FREM2: variants seen among roughly 807,000 people sequenced by gnomAD.
The protein encoded by FREM2 is FRAS1-related extracellular matrix protein 2.
Under a neutral mutation model 219.9 loss-of-function variants are expected in FREM2, and 119 were observed. The observed-to-expected ratio is 0.54, with a 90% CI of 0.47 to 0.63. The LOEUF is 0.63. FREM2 is among the 30% of genes least tolerant of loss of function. The pLI, the probability that FREM2 is intolerant of heterozygous loss-of-function variation, is 0.00. For missense variants in FREM2, 4,030 were observed against 3,993.6 expected (o/e 1.01, Z -0.25); for synonymous variants, 1,562 against 1,522.8 (o/e 1.03, Z -0.60).
intron 2 of FREM2, among the ~76,000 whole-genome samples, chr13:38,707,438 G>A (rs1015952738): frequency 6.6e-6 from 1 of 152,138 alleles, no homozygotes. Flanking sequence ...CAGCCTTCAT[G>A]GTAGCTTTTG....
chr13:38,751,019 G>GTTTTGTT (rs1410080809), intron 2 of FREM2, among the ~76,000 whole-genome samples: 1 of 152,002 alleles, frequency 6.6e-6, no homozygotes, highest in Non-Finnish European at 1.5e-5. Flanking sequence ...TTCTACCACA[G>GTTTTGTT]TTTTGTTTTT....
chr13:38,804,805 TC>T (rs1017280328), intron 6 of FREM2, among the ~76,000 whole-genome samples: 1 of 152,074 alleles, frequency 6.6e-6, no homozygotes, highest in African/African-American at 2.4e-5. Flanking sequence ...CAGTGAGCAT[TC>T]CAGTTTGGCC....
rs188730084 is a variant in FREM2, at chr13:38,695,420, T to C, written c.5174-2278T>C. On this transcript the variant is annotated intron_variant, in intron 1 of 23. Transcript: ENST00000280481. ...GAGTGCCATATAGTTGCATTTATGTTTTCTTTATCTGAAAAAAGAAAAGTT... is the reference window on the plus strand; with the variant it reads ...GAGTGCCATATAGTTGCATTTATGTCTTCTTTATCTGAAAAAAGAAAAGTT... Among the ~76,000 whole-genome samples, 19 of 152,336 alleles carry C rather than the reference T, an allele frequency of 1.2e-4. No homozygotes were observed. The East Asian group carries it at 3.3e-3, about 26-fold the overall frequency.
At chr13:38,876,445 GT>G in intron 20 of FREM2, 63 bp downstream of exon 20, 1 of 1,111,416 alleles carries the variant, frequency 9.0e-7, no homozygotes. Context: ...TCATTTATTA[GT>G]AAAAAAAAAA....
At chr13:38,853,733 A>G (rs1877460712) in intron 11 of FREM2, among the ~76,000 whole-genome samples, 1 of 152,230 alleles carries the variant, frequency 6.6e-6, no homozygotes. Context: ...TATATATTTG[A>G]AATAAATCAC....
chr13:38,861,525 C>A lies in FREM2; in HGVS notation c.7614C>A (p.Asn2538Lys). 1 of 1,608,702 alleles carries A rather than the reference C, an allele frequency of 6.2e-7. No individual in the cohort carries two copies. ...YTGPEDADYT[N>K]LIKLTVTMPH... ...GCCCTGAGGATGCAGACTACACAAACCTTATCAAGCTCACTGTCACAATGC... is the reference window on the plus strand; with the variant it reads ...GCCCTGAGGATGCAGACTACACAAAACTTATCAAGCTCACTGTCACAATGC... Residue 2538 changes from asparagine to lysine, a missense_variant, in exon 15 of 24, where the codon AAC becomes AAA. Asn to Lys is a moderately conservative substitution (Grantham distance 94). This residue lies in a region of FREM2 where 928 missense variants were observed against 1,042.9 expected (regional missense o/e 0.89). Coordinates refer to ENST00000280481, the MANE Select transcript of FREM2 (RefSeq NM_207361.6).
intron 8 of FREM2, 50 bp downstream of exon 8, chr13:38,848,720 C>CT: frequency 6.9e-7 from 1 of 1,445,862 alleles, no homozygotes; most frequent in Non-Finnish European, 9.6e-7. Context: ...AAATCATAAG[C>CT]TAAGGTTTAT....
At chr13:38,704,201 A>C (rs1373675292) in intron 2 of FREM2, among the ~76,000 whole-genome samples, 1 of 152,178 alleles carries the variant, frequency 6.6e-6, no homozygotes, top group African/African-American at 2.4e-5. Flanking sequence ...TTATCGAATT[A>C]CTCAACAAAT....
chr13:38,877,110 G>A lies in FREM2; in HGVS notation c.8545-7G>A. 6.2e-7 allele frequency: 1 copy of A among 1,614,018 alleles called. No homozygotes were observed. Among genetic ancestry groups the A allele is most frequent in the Non-Finnish European group, 8.5e-7 (1 of 1,179,926 alleles). On this transcript the variant is annotated splice_region_variant and splice_polypyrimidine_tract_variant and intron_variant, in intron 20 of 23. Coordinates refer to ENST00000280481, the MANE Select transcript of FREM2 (RefSeq NM_207361.6). ...ATGCATAAAAGAACTTTTACCTTTG[G>A]TTTTAGGTCAGTGATCCAGTGGCTG...
At chr13:38,806,268 C>G in intron 6 of FREM2, among the ~76,000 whole-genome samples, 1 of 151,892 alleles carries the variant, frequency 6.6e-6, no homozygotes, top group Non-Finnish European at 1.5e-5. Flanking sequence ...ACCAGGCCAG[C>G]TGTTTATGGA....
rs748241053 is a variant in FREM2, at chr13:38,690,942, G to A, written c.3598G>A (p.Val1200Met). Residue 1200 changes from valine (V) to methionine (M), a missense_variant, in exon 1 of 24, where the codon GTG becomes ATG. Physicochemically the swap from Val to Met is conservative, Grantham distance 21 (BLOSUM62 1). Transcript: ENST00000280481. ...QPEMFMREFM[V>M]MEGMSLVIDT... ...AGAGATGTTTATGAGAGAATTTATG[G>A]TGATGGAAGGCATGAGTCTGGTAAT... 1 of 1,614,134 alleles carries A rather than the reference G, an allele frequency of 6.2e-7. No individual in the cohort carries two copies.
chr13:38,771,736 C>T (rs1274814842), intron 4 of FREM2, among the ~76,000 whole-genome samples: 2 of 152,114 alleles, frequency 1.3e-5, no homozygotes, highest in Non-Finnish European at 2.9e-5. Context: ...GATAAGTCTT[C>T]CATAATGCTT....
At chr13:38,714,846 G>T (rs906027134) in intron 2 of FREM2, among the ~76,000 whole-genome samples, 6 of 152,032 alleles carry the variant, frequency 3.9e-5, no homozygotes, top group Admixed American at 3.9e-4. Flanking sequence ...GCACTTTTGG[G>T]AGGCCAAGGC....
intron 2 of FREM2, among the ~76,000 whole-genome samples, chr13:38,701,530 T>C (rs1276556717): frequency 6.6e-6 from 1 of 152,148 alleles, no homozygotes; most frequent in East Asian, 1.9e-4. Flanking sequence ...ATATTTATTC[T>C]TTTATCCTCT....
intron 6 of FREM2, among the ~76,000 whole-genome samples, chr13:38,842,351 A>T (rs1321170370): frequency 6.6e-6 from 1 of 152,100 alleles, no homozygotes; most frequent in Non-Finnish European, 1.5e-5. Flanking sequence ...TGCTGGGAAA[A>T]CTCAAATGGA....
intron 2 of FREM2, among the ~76,000 whole-genome samples, chr13:38,731,096 T>G (rs2138120314): frequency 6.6e-6 from 1 of 152,348 alleles, no homozygotes; most frequent in Non-Finnish European, 1.5e-5. Flanking sequence ...AAAATAACAG[T>G]GCTCCATTCC....
At chr13:38,756,520 G>A (rs988455218) in intron 2 of FREM2, among the ~76,000 whole-genome samples, 6 of 145,864 alleles carry the variant, frequency 4.1e-5, no homozygotes, top group Admixed American at 2.1e-4. Context: ...CTATGGTTGG[G>A]GACCTTTTTT....
At chr13:38,828,660 A>G (rs1024225394) in intron 6 of FREM2, among the ~76,000 whole-genome samples, 4 of 152,096 alleles carry the variant, frequency 2.6e-5, no homozygotes, top group Admixed American at 6.6e-5. Flanking sequence ...ATAGTGAGCT[A>G]TGATCTTGCC....
chr13:38,814,391 G>A (rs1875673054), intron 6 of FREM2, among the ~76,000 whole-genome samples: 1 of 152,226 alleles, frequency 6.6e-6, no homozygotes, highest in African/African-American at 2.4e-5. Flanking sequence ...AAGACACTGT[G>A]ATTTTTGCAG....
Sources: gnomAD v4.1 joint callset for allele counts (sites outside exome capture counted in the v4.1 genomes callset) on GRCh38, gnomAD v4.1.1 for gene constraint, gnomAD v4.1.1 regional missense constraint, MANE v1.5 for transcripts, NCBI Gene and HGNC (gene_info 2026-07-23, HGNC 2026-07-21) for gene names.